GOLM2: variants seen among roughly 807,000 people sequenced by gnomAD.
The protein encoded by GOLM2 is golgi membrane protein 2, also known as protein GOLM2.
A neutral mutation model predicts 55.9 loss-of-function variants in GOLM2; 26 were observed. The ratio of observed to expected loss-of-function variants is 0.47; its 90% CI spans 0.34 to 0.65. The LOEUF is 0.65. GOLM2 is among the 30% of genes least tolerant of loss of function. The probability of loss-of-function intolerance (pLI) is 0.01; values close to 1 mark genes in which losing one functional copy is unlikely to be tolerated. For synonymous variants in GOLM2, 165 were observed against 194.6 expected, an observed-to-expected ratio of 0.85 and a Z score of 1.27; for missense variants, 486 against 531.8, an observed-to-expected ratio of 0.91 and a Z score of 0.85.
intron 8 of GOLM2, among the ~76,000 whole-genome samples, chr15:44,401,872 C>T (rs148887509): frequency 9.2e-4 from 134 of 145,324 alleles, no homozygotes; most frequent in African/African-American, 3.1e-3. Context: ...TTTTGTCACT[C>T]AGGCTGGAGT....
At chr15:44,407,184 T>C (rs988248637) in intron 9 of GOLM2, among the ~76,000 whole-genome samples, 4 of 146,694 alleles carry the variant, frequency 2.7e-5, no homozygotes, top group Middle Eastern at 3.6e-3. Flanking sequence ...TTATAACATA[T>C]TTCTATTATA....
chr15:44,353,619 A>G (rs1268296368), intron 6 of GOLM2, among the ~76,000 whole-genome samples: 2 of 152,204 alleles, frequency 1.3e-5, no homozygotes, highest in African/African-American at 4.8e-5. Flanking sequence ...AGATCCTGTC[A>G]TTTGTAACAA....
rs78364051 is a variant in GOLM2 at position 44,324,598 on chromosome 15, G to A, written c.382+1579G>A. On this transcript the variant is annotated intron_variant, in intron 2 of 9. Transcript: ENST00000299957. ...AATAGACACTAAGACACTTGAGATG[G>A]TTTATATTTTCTTGGAAATAAAGGA... 4.5e-3 allele frequency among the ~76,000 whole-genome samples: 686 copies of A among 152,140 alleles called. 41 individuals are homozygous for A. In the East Asian group the frequency reaches 0.11, roughly 25 times the overall value.
intron 8 of GOLM2, among the ~76,000 whole-genome samples, chr15:44,391,814 A>T (rs181122957): frequency 2.0e-5 from 3 of 152,084 alleles, no homozygotes; most frequent in Non-Finnish European, 2.9e-5. Context: ...ATATTTTGGT[A>T]CCTAAATGGT....
intron 6 of GOLM2, among the ~76,000 whole-genome samples, chr15:44,338,714 G>T (rs756713332): frequency 2.6e-5 from 4 of 152,112 alleles, no homozygotes; most frequent in Non-Finnish European, 4.4e-5. Context: ...ACCCTAATAA[G>T]AGTTATTTAA....
intron 1 of GOLM2, among the ~76,000 whole-genome samples, chr15:44,311,877 TGACC>T: frequency 6.6e-6 from 1 of 152,180 alleles, no homozygotes; most frequent in African/African-American, 2.4e-5. Context: ...CTCGAACTCC[TGACC>T]TCAGGTGATC....
chr15:44,359,767 G>A (rs897895093), intron 6 of GOLM2, among the ~76,000 whole-genome samples: 1 of 152,132 alleles, frequency 6.6e-6, no homozygotes. Flanking sequence ...CACCAAAGTT[G>A]AAATGAAGGA....
intron 1 of GOLM2, among the ~76,000 whole-genome samples, chr15:44,304,452 G>A (rs2078822143): frequency 6.6e-6 from 1 of 151,314 alleles, no homozygotes; most frequent in African/African-American, 2.4e-5. Flanking sequence ...AGGTTGGCCA[G>A]GCTGGTCTCA....
intron 2 of GOLM2, 25 bp from the exon 3 acceptor site, chr15:44,328,660 T>C: frequency 6.4e-7 from 1 of 1,550,442 alleles, no homozygotes; most frequent in Non-Finnish European, 8.8e-7. Flanking sequence ...ACTTGATTCC[T>C]TTGGTTCTTA....
intron 1 of GOLM2, among the ~76,000 whole-genome samples, chr15:44,295,917 T>TACACACACACACAC (rs71421830): frequency 0.017 from 2,415 of 143,110 alleles, 64 homozygotes; most frequent in African/African-American, 0.059. Context: ...CCACCACACA[T>TACACACACACACAC]ACACACACAC....
At chr15:44,396,529 TA>T (rs1197989090) in intron 8 of GOLM2, among the ~76,000 whole-genome samples, 1 of 152,228 alleles carries the variant, frequency 6.6e-6, no homozygotes, top group Non-Finnish European at 1.5e-5. Context: ...AAAGTTTATC[TA>T]TTCCACATGA....
At chr15:44,406,590 A>T (rs532793672) in intron 9 of GOLM2, 3 of 152,314 alleles carry the variant, frequency 2.0e-5, no homozygotes, top group African/African-American at 7.2e-5. Context: ...CACAAGTATT[A>T]TGAGAAAATA....
chr15:44,396,671 G>A (rs986181341), intron 8 of GOLM2, among the ~76,000 whole-genome samples: 3 of 152,094 alleles, frequency 2.0e-5, no homozygotes, highest in South Asian at 4.1e-4. Flanking sequence ...TGAAAAGCGC[G>A]TTAAATGCCT....
At chr15:44,399,801 C>T (rs370507266) in intron 8 of GOLM2, among the ~76,000 whole-genome samples, 15 of 152,012 alleles carry the variant, frequency 9.9e-5, no homozygotes, top group African/African-American at 3.4e-4. Flanking sequence ...TCAAGACCAG[C>T]CTGGCCAACA....
chr15:44,319,734 T>G (rs2078936491), intron 1 of GOLM2, among the ~76,000 whole-genome samples: 1 of 152,136 alleles, frequency 6.6e-6, no homozygotes, highest in Non-Finnish European at 1.5e-5. Flanking sequence ...CCTATAGGCA[T>G]GCACCACTGT....
chr15:44,337,826 C>G lies in GOLM2; in HGVS notation c.640C>G (p.Pro214Ala). The G allele has an allele frequency of 1.9e-6, 3 of 1,604,448 alleles. No homozygotes were observed. In the South Asian group the frequency reaches 3.4e-5, roughly 18 times the overall value. Residue 214 changes from proline (P) to alanine (A), a missense_variant, in exon 5 of 10, where the codon CCT (proline) becomes GCT (alanine). Pro to Ala is a conservative substitution (Grantham distance 27). Transcript: ENST00000299957. ...KELDINNQVV[P>A]KNIPKVAENV... ...ATTGGATATAAACAATCAAGTAGTA[C>G]CTAAAAATATTCCAAAAGTAGCTGA...
At chr15:44,401,984 C>A (rs1167213578) in intron 8 of GOLM2, among the ~76,000 whole-genome samples, 4 of 151,912 alleles carry the variant, frequency 2.6e-5, no homozygotes, top group African/African-American at 9.7e-5. Flanking sequence ...CATCTGCCAC[C>A]ACGCCTGGCT....
chr15:44,358,587 A>G (rs1196106028), intron 6 of GOLM2, among the ~76,000 whole-genome samples: 1 of 152,334 alleles, frequency 6.6e-6, no homozygotes, highest in African/African-American at 2.4e-5. Flanking sequence ...GTCTTTGACA[A>G]AGAAGCAAAG....
At position 44,385,366 on chromosome 15, in the gene GOLM2, C is replaced by CCCTTCCTT. The variant is rs1391812776; in HGVS notation, c.1072+4397_1072+4404dup. On this transcript the variant is annotated intron_variant, in intron 8 of 9. Coordinates refer to ENST00000299957, the MANE Select transcript of GOLM2 (RefSeq NM_138423.4). Reference sequence around the variant, plus strand: ...TTCCTCCCTCCCTCCCTCCCTTCCTCCCTTCCTTCCTTCCCCCCGCCACTT... The same window carrying CCCTTCCTT: ...TTCCTCCCTCCCTCCCTCCCTTCCTCCCTTCCTTCCTTCCTTCCTTCCCCCCGCCACTT... Among the ~76,000 whole-genome samples, 50 of 134,042 alleles carry CCCTTCCTT rather than the reference C, an allele frequency of 3.7e-4. No individual in the cohort carries two copies. The South Asian group carries it at 0.011, about 31-fold the overall frequency. The allele number at this position is 134,042 out of a possible 152,430, so 87.9% of individuals were successfully genotyped here. A position where few individuals can be genotyped will look rare whatever the true frequency, so the allele number is the denominator to read the frequency against.
Sources: gnomAD v4.1 joint callset for allele counts (sites outside exome capture counted in the v4.1 genomes callset) on GRCh38, gnomAD v4.1.1 for gene constraint, MANE v1.5 for transcripts, NCBI Gene and HGNC (gene_info 2026-07-23, HGNC 2026-07-21) for gene names.